The following SPAG16 variants were observed in gnomAD, a reference collection of about 807,000 sequenced individuals.
SPAG16 encodes the protein sperm associated antigen 16.
In SPAG16, 86 loss-of-function variants were observed where a neutral mutation model predicts 80.4. That is an observed-to-expected ratio of 1.07 (90% CI 0.90 to 1.28). The LOEUF is 1.28. Among genes scored for constraint, SPAG16 ranks in the 50% most tolerant of loss-of-function variants. The probability of loss-of-function intolerance (pLI) is 0.00; values close to 1 mark genes in which losing one functional copy is unlikely to be tolerated. For missense variants in SPAG16, 870 were observed against 765.3 expected (o/e 1.14, Z -1.61); for synonymous variants, 294 against 265.9 (o/e 1.11, Z -1.03).
At chr2:213,951,255 C>T (rs898163193) in intron 12 of SPAG16, among the ~76,000 whole-genome samples, 2 of 152,036 alleles carry the variant, frequency 1.3e-5, no homozygotes, top group Non-Finnish European at 2.9e-5. Context: ...TACTTTCCTT[C>T]ATATTTATAA....
At chr2:214,353,462 G>C (rs1034292813) in intron 15 of SPAG16, among the ~76,000 whole-genome samples, 1 of 152,092 alleles carries the variant, frequency 6.6e-6, no homozygotes, top group African/African-American at 2.4e-5. Flanking sequence ...AGAATGTTCT[G>C]GTACCCAGAA....
At chr2:214,161,443 T>G (rs908739747) in intron 15 of SPAG16, among the ~76,000 whole-genome samples, 4 of 152,164 alleles carry the variant, frequency 2.6e-5, no homozygotes, top group African/African-American at 9.6e-5. Flanking sequence ...TTCTTATTTC[T>G]ACACAACCTC....
At chr2:213,782,376 G>C (rs1347604093) in intron 10 of SPAG16, among the ~76,000 whole-genome samples, 1 of 152,036 alleles carries the variant, frequency 6.6e-6, no homozygotes, top group African/African-American at 2.4e-5. Context: ...ATATAGTGAG[G>C]TATGGTACCT....
rs146069754 is a variant in SPAG16, at chr2:214,235,084, A to T, written c.1720+85818A>T. ...TAAACTGATTTTGCATTTAAGTGAC[A>T]CTGATGGATTAATAAGTTAATGTAT... On this transcript the variant is annotated intron_variant, in intron 15 of 15. Transcript: ENST00000331683. Among the ~76,000 whole-genome samples the T allele has an allele frequency of 9.8e-5, 15 of 152,286 alleles. No homozygotes were observed. In the East Asian group the frequency reaches 2.7e-3, roughly 27 times the overall value.
chr2:213,936,279 T>A (rs2078985573), intron 12 of SPAG16, among the ~76,000 whole-genome samples: 1 of 152,126 alleles, frequency 6.6e-6, no homozygotes, highest in Admixed American at 6.5e-5. Flanking sequence ...GTAAGGTAGT[T>A]AAATGAGTAT....
intron 13 of SPAG16, among the ~76,000 whole-genome samples, chr2:214,051,451 CAA>C (rs2049637956): frequency 6.6e-6 from 1 of 152,130 alleles, no homozygotes; most frequent in South Asian, 2.1e-4. Context: ...CTTTGGAGAG[CAA>C]AGTTGTATTA....
Position 213,672,540 on chromosome 2 carries a change from A to G in SPAG16, c.1070+182450A>G, listed in dbSNP as rs908693798. ...TGTTCCATTGTTTACATTTCCCGTC[A>G]TCTTACTGACTGCCTACTGCTGTTC... On this transcript the variant is annotated intron_variant, in intron 10 of 15. Coordinates refer to ENST00000331683, the MANE Select transcript of SPAG16 (RefSeq NM_024532.5). Among the ~76,000 whole-genome samples, 6 of 152,016 alleles carry G rather than the reference A, an allele frequency of 3.9e-5. No individual in the cohort carries two copies. In the East Asian group the frequency reaches 1.2e-3, roughly 29 times the overall value.
intron 12 of SPAG16, among the ~76,000 whole-genome samples, chr2:213,985,615 C>T (rs932819440): frequency 6.6e-6 from 1 of 152,004 alleles, no homozygotes; most frequent in Non-Finnish European, 1.5e-5. Context: ...TGCACAAAAG[C>T]ATCAAAGTCA....
chr2:214,213,517 A>G (rs1268069738), intron 15 of SPAG16, among the ~76,000 whole-genome samples: 3 of 152,184 alleles, frequency 2.0e-5, no homozygotes, highest in East Asian at 1.9e-4. Flanking sequence ...TTTTGTGGCA[A>G]TCTTCTCAAC....
rs751514470 is a variant in SPAG16 at position 214,385,249 on chromosome 2, T to TA, written c.1721-24887dup. ...AGTTAACTTCTTAGTGCCTCATTTG[T>TA]AAAATGGGGTGAAAGATAACAGTCC... On this transcript the variant is annotated intron_variant, in intron 15 of 15. Coordinates refer to ENST00000331683, the MANE Select transcript of SPAG16 (RefSeq NM_024532.5). Among the ~76,000 whole-genome samples the TA allele has an allele frequency of 3.3e-5, 5 of 151,698 alleles. No homozygotes were observed. In the South Asian group the frequency reaches 1.0e-3, roughly 31 times the overall value.
chr2:213,777,511 A>G (rs1157060219), intron 10 of SPAG16, among the ~76,000 whole-genome samples: 1 of 151,728 alleles, frequency 6.6e-6, no homozygotes, highest in Admixed American at 6.6e-5. Context: ...GGTTCACGCC[A>G]TTCTCCTGCC....
intron 13 of SPAG16, among the ~76,000 whole-genome samples, chr2:214,059,216 G>GTATATATATA (rs1423216101): frequency 1.5e-5 from 1 of 66,998 alleles, no homozygotes; most frequent in African/African-American, 5.2e-5. Flanking sequence ...ATATATATAT[G>GTATATATATA]TATGTGTATA....
intron 15 of SPAG16, among the ~76,000 whole-genome samples, chr2:214,309,975 A>G (rs1695171519): frequency 6.6e-6 from 1 of 151,992 alleles, no homozygotes; most frequent in Non-Finnish European, 1.5e-5. Flanking sequence ...TTTCTCTTGG[A>G]TCTCATTGAG....
chr2:213,640,586 C>G (rs1574605663), intron 10 of SPAG16, among the ~76,000 whole-genome samples: 1 of 152,116 alleles, frequency 6.6e-6, no homozygotes, highest in Admixed American at 6.5e-5. Context: ...GCTAAGAGTT[C>G]TGTGATGTGA....
intron 15 of SPAG16, among the ~76,000 whole-genome samples, chr2:214,199,136 G>A (rs183082313): frequency 1.3e-5 from 2 of 152,070 alleles, no homozygotes; most frequent in East Asian, 3.9e-4. Flanking sequence ...TTTTGTTTTT[G>A]TTGCATTTGC....
At chr2:213,735,881 A>C (rs892087425) in intron 10 of SPAG16, among the ~76,000 whole-genome samples, 1 of 152,204 alleles carries the variant, frequency 6.6e-6, no homozygotes, top group South Asian at 2.1e-4. Flanking sequence ...GGATGTTTTG[A>C]ATATTATGGA....
chr2:214,305,088 A>G (rs1250351244), intron 15 of SPAG16, among the ~76,000 whole-genome samples: 1 of 152,078 alleles, frequency 6.6e-6, no homozygotes, highest in Non-Finnish European at 1.5e-5. Flanking sequence ...GTGAGATGGT[A>G]TCTCTTGTGG....
intron 12 of SPAG16, among the ~76,000 whole-genome samples, chr2:213,946,404 TG>T (rs2079475150): frequency 3.4e-4 from 51 of 152,190 alleles, no homozygotes; most frequent in African/African-American, 9.4e-4. Context: ...TGAGCCACTG[TG>T]CCCGGCCTGT....
At chr2:214,119,077 T>G (rs2054089497) in intron 14 of SPAG16, among the ~76,000 whole-genome samples, 1 of 152,142 alleles carries the variant, frequency 6.6e-6, no homozygotes, top group Admixed American at 6.6e-5. Flanking sequence ...AAATATCACA[T>G]TGTATCCATA....
Sources: allele counts gnomAD v4.1 joint callset (sites outside exome capture counted in the v4.1 genomes callset), GRCh38; gene constraint gnomAD v4.1.1; transcripts MANE v1.5; gene names NCBI Gene and HGNC (gene_info 2026-07-23, HGNC 2026-07-21).